ELL2: variants seen among roughly 807,000 people sequenced by gnomAD.
ELL2 encodes the protein elongation factor for RNA polymerase II 2.
In ELL2, 21 loss-of-function variants were observed where a neutral mutation model predicts 72.8. That is an observed-to-expected ratio of 0.29 (90% CI 0.20 to 0.42). The LOEUF (loss-of-function observed/expected upper bound fraction) is 0.42, where lower values mean the gene tolerates loss of function less well. Among genes scored for constraint, ELL2 ranks in the 10% least tolerant of loss-of-function variants. The pLI is 1.00. For synonymous variants in ELL2, 266 were observed against 283.2 expected, an observed-to-expected ratio of 0.94 and a Z score of 0.61; for missense variants, 568 against 772.8, an observed-to-expected ratio of 0.73 and a Z score of 3.14.
chr5:95,961,822 C>A lies in ELL2; in HGVS notation c.-101G>T. On this transcript the variant is annotated 5_prime_UTR_variant, in exon 1 of 12. The change abolishes an upstream ATG in the 5' untranslated region. Transcript: ENST00000237853. Reference sequence around the variant, plus strand: ...CTGCAGCCGCCGCCACTGCTAGGGCCATCCCGCTGCTGACGTACTGTCATA... The same window carrying A: ...CTGCAGCCGCCGCCACTGCTAGGGCAATCCCGCTGCTGACGTACTGTCATA... 1.4e-6 allele frequency: 2 copies of A among 1,407,978 alleles called. No individual in the cohort carries two copies. Among genetic ancestry groups the A allele is most frequent in the South Asian group, 2.9e-5 (2 of 68,644 alleles). The allele number at this position is 1,407,978 out of a possible 1,614,324, so 87.2% of individuals were successfully genotyped here.
At chr5:95,961,328 G>A (rs996710010) in intron 1 of ELL2, among the ~76,000 whole-genome samples, 1 of 151,788 alleles carries the variant, frequency 6.6e-6, no homozygotes, top group African/African-American at 2.4e-5. Context: ...CAGCGCAGCC[G>A]ACCCAGGGCT....
intron 4 of ELL2, among the ~76,000 whole-genome samples, chr5:95,911,718 G>A (rs994717364): frequency 2.0e-5 from 3 of 152,050 alleles, no homozygotes; most frequent in African/African-American, 7.3e-5. Context: ...GTCCAGAGGA[G>A]AGCAATAAAA....
At chr5:95,942,190 G>A (rs191027912) in intron 2 of ELL2, among the ~76,000 whole-genome samples, 1 of 152,132 alleles carries the variant, frequency 6.6e-6, no homozygotes, top group Non-Finnish European at 1.5e-5. Context: ...AAATTCAGAA[G>A]TCTGTAGATT....
intron 1 of ELL2, among the ~76,000 whole-genome samples, chr5:95,953,871 T>C (rs1210146176): frequency 4.6e-5 from 7 of 152,320 alleles, no homozygotes; most frequent in Middle Eastern, 6.8e-3. Context: ...CATTAATCAA[T>C]AGGACAGAAA....
At chr5:95,909,812 A>G (rs552899463) in intron 4 of ELL2, among the ~76,000 whole-genome samples, 4 of 152,280 alleles carry the variant, frequency 2.6e-5, no homozygotes, top group Non-Finnish European at 5.9e-5. Flanking sequence ...TAGCAAAAGT[A>G]TTTACCCCTC....
chr5:95,917,945 A>C (rs1749886700), intron 3 of ELL2, among the ~76,000 whole-genome samples: 1 of 152,238 alleles, frequency 6.6e-6, no homozygotes, highest in Admixed American at 6.5e-5. Context: ...AGAGACAAGC[A>C]CCACAATTAA....
chr5:95,921,420 T>TTATCTATTTTA (rs1376933096), intron 2 of ELL2, among the ~76,000 whole-genome samples: 1 of 152,224 alleles, frequency 6.6e-6, no homozygotes, highest in East Asian at 1.9e-4. Flanking sequence ...TTCTGTGTTT[T>TTATCTATTTTA]TATCTATTTT....
intron 2 of ELL2, among the ~76,000 whole-genome samples, chr5:95,923,282 C>T (rs576470441): frequency 6.6e-6 from 1 of 151,542 alleles, no homozygotes; most frequent in Non-Finnish European, 1.5e-5. Flanking sequence ...CTGCAGAGTG[C>T]TTTCAATCCC....
intron 3 of ELL2, among the ~76,000 whole-genome samples, chr5:95,917,096 G>A (rs1749842026): frequency 6.6e-6 from 1 of 152,256 alleles, no homozygotes; most frequent in East Asian, 1.9e-4. Context: ...GTATATAAAT[G>A]CTCCCTTAGT....
rs550303247 is a variant in ELL2, at chr5:95,886,103, C to A, written c.*2768G>T. 1 of 152,136 alleles carries A rather than the reference C, an allele frequency of 6.6e-6. No individual in the cohort carries two copies. The highest frequency in any genetic ancestry group is 1.9e-4 in the East Asian group (1 of 5,184). 9.4% of individuals were successfully genotyped at this position (152,136 alleles called of 1,614,324 possible). On this transcript the variant is annotated 3_prime_UTR_variant, in exon 12 of 12. Transcript: ENST00000237853. ...CATTCTCTAATCTTGCTATTTTTCA[C>A]ACCATCCTTCCAAAAAAGAAAAGAA...
chr5:95,894,166 G>A (rs1748775830), intron 9 of ELL2, among the ~76,000 whole-genome samples: 1 of 152,164 alleles, frequency 6.6e-6, no homozygotes, highest in African/African-American at 2.4e-5. Flanking sequence ...CTTGAACCCT[G>A]GAGGTGGAGG....
intron 2 of ELL2, among the ~76,000 whole-genome samples, chr5:95,920,940 G>A (rs1207264446): frequency 2.6e-5 from 4 of 152,120 alleles, no homozygotes; most frequent in Non-Finnish European, 5.9e-5. Flanking sequence ...GCTGCTTAGC[G>A]TGTATGCACT....
intron 3 of ELL2, among the ~76,000 whole-genome samples, chr5:95,915,970 GA>G (rs530885486): frequency 2.0e-5 from 3 of 152,014 alleles, no homozygotes; most frequent in African/African-American, 7.2e-5. Flanking sequence ...TTGTATTGCA[GA>G]AAGCTCAATC....
chr5:95,927,624 CAT>C (rs1284202631), intron 2 of ELL2, among the ~76,000 whole-genome samples: 1 of 36,084 alleles, frequency 2.8e-5, no homozygotes, highest in Non-Finnish European at 4.5e-5. Flanking sequence ...TGTATATAGA[CAT>C]ACACACACAC....
At chr5:95,919,909 T>C (rs1271077490) in intron 2 of ELL2, among the ~76,000 whole-genome samples, 1 of 152,232 alleles carries the variant, frequency 6.6e-6, no homozygotes, top group Non-Finnish European at 1.5e-5. Context: ...ATACAAGTTT[T>C]GTCTTTGGCT....
chr5:95,953,515 T>C (rs1322827835), intron 1 of ELL2, among the ~76,000 whole-genome samples: 1 of 152,240 alleles, frequency 6.6e-6, no homozygotes. Flanking sequence ...AAAGTATCTC[T>C]GTGAATCTTA....
chr5:95,889,436 A>G (rs138377155), intron 10 of ELL2, among the ~76,000 whole-genome samples: 19 of 152,360 alleles, frequency 1.2e-4, no homozygotes, highest in African/African-American at 4.6e-4. Context: ...CCATCAATCT[A>G]TACAAAGGAT....
chr5:95,920,424 C>T (rs1211464221), intron 2 of ELL2, among the ~76,000 whole-genome samples: 1 of 151,762 alleles, frequency 6.6e-6, no homozygotes, highest in African/African-American at 2.4e-5. Flanking sequence ...AATTCTCTGC[C>T]TCAGCCTCCT....
Position 95,916,748 on chromosome 5 carries a change from G to GA in ELL2, c.317+2675dup, listed in dbSNP as rs35336485. 2.7e-3 allele frequency among the ~76,000 whole-genome samples: 389 copies of GA among 143,374 alleles called. 4 individuals carry two copies. The highest frequency in any genetic ancestry group is 7.3e-3 in the South Asian group (33 of 4,534). 94.1% of individuals were successfully genotyped at this position (143,374 alleles called of 152,430 possible). A position where few individuals can be genotyped will look rare whatever the true frequency, so the allele number is the denominator to read the frequency against. The stretch of plus-strand genomic sequence containing the variant: ...ACTTGAGCATGTTTGCATGCCAAAG[G>GA]AAAAAAAAAAAACCCACTGACAGAG... On this transcript the variant is annotated intron_variant, in intron 3 of 11. Transcript: ENST00000237853.
Sources: gnomAD v4.1 joint callset for allele counts (sites outside exome capture counted in the v4.1 genomes callset) on GRCh38, gnomAD v4.1.1 for gene constraint, MANE v1.5 for transcripts, NCBI Gene and HGNC (gene_info 2026-07-23, HGNC 2026-07-21) for gene names.